Variants in AGBL4 observed in about 807,000 individuals in gnomAD.
AGBL4 encodes cytosolic carboxypeptidase 6.
AGBL4 carries 58 observed loss-of-function variants against 66.4 expected under a neutral mutation model. The ratio of observed to expected loss-of-function variants is 0.87; its 90% CI spans 0.71 to 1.09. The LOEUF is 1.09. Ranked by LOEUF, AGBL4 falls within the 50% of genes least tolerant of loss-of-function variation. AGBL4 has a pLI of 0.00. For missense variants in AGBL4, 579 were observed against 631.0 expected (o/e 0.92, Z 0.88); for synonymous variants, 234 against 222.9 (o/e 1.05, Z -0.44).
chr1:48,824,124 T>C (rs573672941), intron 6 of AGBL4, among the ~76,000 whole-genome samples: 1 of 152,274 alleles, frequency 6.6e-6, no homozygotes, highest in South Asian at 2.1e-4. Context: ...TTTTCCTCTG[T>C]TTTCACTGAA....
At chr1:49,676,848 G>A (rs1393877775) in intron 3 of AGBL4, among the ~76,000 whole-genome samples, 2 of 151,990 alleles carry the variant, frequency 1.3e-5, no homozygotes, top group African/African-American at 4.8e-5. Context: ...ACCATAGATA[G>A]TGCCTATGCT....
At chr1:49,280,086 G>T (rs889392151) in intron 3 of AGBL4, among the ~76,000 whole-genome samples, 1 of 151,860 alleles carries the variant, frequency 6.6e-6, no homozygotes, top group Non-Finnish European at 1.5e-5. Flanking sequence ...TTGCATGTCT[G>T]GCACCAATGG....
chr1:49,950,097 CATAT>C (rs745795784), intron 1 of AGBL4, among the ~76,000 whole-genome samples: 1 of 137,598 alleles, frequency 7.3e-6, no homozygotes, highest in South Asian at 2.2e-4. Flanking sequence ...TATATATACA[CATAT>C]ATATACATAT....
intron 3 of AGBL4, among the ~76,000 whole-genome samples, chr1:49,429,056 A>G (rs1645726922): frequency 1.3e-5 from 2 of 152,264 alleles, no homozygotes; most frequent in South Asian, 4.1e-4. Flanking sequence ...TATATGTTCC[A>G]GACTGGAAGA....
intron 13 of AGBL4, among the ~76,000 whole-genome samples, 155 bp downstream of exon 13, chr1:48,534,735 G>T (rs1429318387): frequency 1.3e-5 from 2 of 152,164 alleles, no homozygotes; most frequent in South Asian, 2.1e-4. Flanking sequence ...CTAACATACT[G>T]CCCCCTCCAC....
intron 3 of AGBL4, among the ~76,000 whole-genome samples, chr1:49,608,257 C>A (rs1402586539): frequency 6.6e-6 from 1 of 152,104 alleles, no homozygotes; most frequent in Non-Finnish European, 1.5e-5. Flanking sequence ...ATATTAAATA[C>A]AAATATTTTT....
At chr1:49,073,892 G>T (rs1426158211) in intron 4 of AGBL4, among the ~76,000 whole-genome samples, 2 of 152,162 alleles carry the variant, frequency 1.3e-5, no homozygotes, top group East Asian at 3.9e-4. Context: ...GGAAGATGGG[G>T]GTTTTATCTA....
intron 4 of AGBL4, among the ~76,000 whole-genome samples, chr1:49,132,154 A>G (rs967150552): frequency 7.9e-5 from 12 of 152,116 alleles, no homozygotes; most frequent in Non-Finnish European, 1.6e-4. Flanking sequence ...GTGTGGTCAC[A>G]TGGAATTCAT....
At chr1:49,756,149 A>G (rs1005033407) in intron 2 of AGBL4, among the ~76,000 whole-genome samples, 1 of 152,192 alleles carries the variant, frequency 6.6e-6, no homozygotes, top group Non-Finnish European at 1.5e-5. Flanking sequence ...TGGCTTTTAA[A>G]TAAGATATTT....
intron 6 of AGBL4, among the ~76,000 whole-genome samples, chr1:48,697,850 G>A (rs1196069880): frequency 6.6e-6 from 1 of 152,200 alleles, no homozygotes; most frequent in Non-Finnish European, 1.5e-5. Context: ...GATGCAAGAG[G>A]CTAACTTCCT....
At chr1:49,793,411 CT>C (rs1379761687) in intron 2 of AGBL4, among the ~76,000 whole-genome samples, 1 of 151,992 alleles carries the variant, frequency 6.6e-6, no homozygotes, top group African/African-American at 2.4e-5. Context: ...AGGGTACTCA[CT>C]TGCTTCCTTA....
At chr1:48,824,625 A>G (rs1646386603) in intron 6 of AGBL4, among the ~76,000 whole-genome samples, 1 of 152,180 alleles carries the variant, frequency 6.6e-6, no homozygotes. Context: ...CTGGAGTAGC[A>G]TGCCTAGATT....
chr1:49,009,339 A>G (rs1357377273), intron 5 of AGBL4, among the ~76,000 whole-genome samples: 1 of 152,090 alleles, frequency 6.6e-6, no homozygotes, highest in African/African-American at 2.4e-5. Flanking sequence ...AAGAAGTTGA[A>G]TCTCTGAATA....
chr1:49,812,263 T>C (rs1322580889), intron 2 of AGBL4, among the ~76,000 whole-genome samples: 1 of 152,198 alleles, frequency 6.6e-6, no homozygotes, highest in African/African-American at 2.4e-5. Context: ...TAGCATTTGT[T>C]AAACTCCAAT....
At chr1:49,174,008 T>G (rs966050480) in intron 4 of AGBL4, among the ~76,000 whole-genome samples, 2 of 152,088 alleles carry the variant, frequency 1.3e-5, no homozygotes, top group African/African-American at 4.8e-5. Flanking sequence ...GAAGAGTAAT[T>G]TTAGTGAAAT....
chr1:48,595,855 C>T (rs1044405011), intron 9 of AGBL4, among the ~76,000 whole-genome samples: 1 of 152,192 alleles, frequency 6.6e-6, no homozygotes, highest in Non-Finnish European at 1.5e-5. Flanking sequence ...CTTCACATTT[C>T]GGCAGCACTT....
intron 5 of AGBL4, among the ~76,000 whole-genome samples, chr1:48,917,459 T>A (rs1653685987): frequency 6.6e-6 from 1 of 152,176 alleles, no homozygotes; most frequent in Admixed American, 6.5e-5. Context: ...GAGCCCTCTA[T>A]GAATACATCA....
At chr1:49,034,432 C>T (rs1664475614) in intron 5 of AGBL4, among the ~76,000 whole-genome samples, 1 of 152,104 alleles carries the variant, frequency 6.6e-6, no homozygotes. Context: ...AGGGTGAAGT[C>T]TCCAGTAATA....
intron 4 of AGBL4, among the ~76,000 whole-genome samples, chr1:49,140,387 G>C (rs913721190): frequency 1.3e-5 from 2 of 152,202 alleles, no homozygotes; most frequent in Non-Finnish European, 2.9e-5. Flanking sequence ...CCCTTCTCCA[G>C]GTTCAACATC....
Sources: allele counts gnomAD v4.1 joint callset (sites outside exome capture counted in the v4.1 genomes callset), GRCh38; gene constraint gnomAD v4.1.1; transcripts MANE v1.5; gene names NCBI Gene and HGNC (gene_info 2026-07-23, HGNC 2026-07-21).